Variants in DMD observed in about 807,000 individuals in gnomAD.
DMD encodes dystrophin, also known as mutant dystrophin.
In DMD, 63 loss-of-function variants were observed where a neutral mutation model predicts 330.1. That is an observed-to-expected ratio of 0.19 (90% CI 0.16 to 0.24). The LOEUF (loss-of-function observed/expected upper bound fraction) is 0.24. DMD is among the 10% of genes least tolerant of loss of function. The probability of loss-of-function intolerance (pLI) is 1.00; values close to 1 mark genes in which losing one functional copy is unlikely to be tolerated. For synonymous variants in DMD, 1,223 were observed against 959.8 expected (o/e 1.27, Z -5.07); for missense variants, 3,344 against 2,684.1 (o/e 1.25, Z -5.43).
intron 60 of DMD, among the ~76,000 whole-genome samples, chrX:31,373,620 T>G (rs6631307): frequency 0.48 from 48,462 of 101,522 alleles, 9,927 homozygotes; most frequent in African/African-American, 0.64. Flanking sequence ...TAGCCATATG[T>G]AGAAAGCTGA....
chrX:31,404,638 T>C (rs2061334003), intron 60 of DMD, among the ~76,000 whole-genome samples: 1 of 112,018 alleles, frequency 8.9e-6, no homozygotes, highest in African/African-American at 3.2e-5. Flanking sequence ...AAGTAGTACA[T>C]TTTTAAATTT....
intron 48 of DMD, among the ~76,000 whole-genome samples, chrX:31,837,185 T>G (rs1315685715): frequency 2.7e-5 from 3 of 112,507 alleles, no homozygotes; most frequent in Non-Finnish European, 5.6e-5. Context: ...TTTTACTTTA[T>G]ACACTTATTG....
chrX:33,194,860 G>A (rs903854900), intron 1 of DMD, among the ~76,000 whole-genome samples: 4 of 111,196 alleles, frequency 3.6e-5, no homozygotes, highest in African/African-American at 6.5e-5. Flanking sequence ...ATATGTTAAC[G>A]TAATATACAA....
At chrX:32,468,258 C>A (rs2040256257) in intron 23 of DMD, among the ~76,000 whole-genome samples, 2 of 110,742 alleles carry the variant, frequency 1.8e-5, no homozygotes, top group South Asian at 7.6e-4. Flanking sequence ...TGTTTAATTC[C>A]TATTGGTAAT....
chrX:31,478,849 G>A, intron 58 of DMD, 134 bp downstream of exon 58: 1 of 667,167 alleles, frequency 1.5e-6, no homozygotes, highest in Admixed American at 3.8e-5. Context: ...CAGCATCTAT[G>A]TTTAATTTGA....
chrX:31,193,113 C>T (rs1475262088), intron 67 of DMD, among the ~76,000 whole-genome samples: 2 of 110,852 alleles, frequency 1.8e-5, no homozygotes, highest in Non-Finnish European at 3.8e-5. Flanking sequence ...CTGACAGGTG[C>T]GGGTCCATAT....
intron 59 of DMD, among the ~76,000 whole-genome samples, chrX:31,447,002 G>C (rs746057429): frequency 9.0e-6 from 1 of 111,387 alleles, no homozygotes; most frequent in Admixed American, 9.6e-5. Context: ...ACCTCGTTAA[G>C]CCATAGCTAG....
At chrX:32,846,837 T>C (rs1426365661) in intron 3 of DMD, among the ~76,000 whole-genome samples, 1 of 107,071 alleles carries the variant, frequency 9.3e-6, no homozygotes, top group East Asian at 3.0e-4. Context: ...TGAAACCCCA[T>C]GTCTACTAAA....
chrX:33,043,054 A>G (rs2147941779), intron 1 of DMD, among the ~76,000 whole-genome samples: 1 of 112,278 alleles, frequency 8.9e-6, no homozygotes, highest in South Asian at 3.7e-4. Context: ...ATTCAATTGT[A>G]TTAATATTTA....
intron 2 of DMD, among the ~76,000 whole-genome samples, chrX:32,858,430 A>G (rs749371390): frequency 1.8e-5 from 2 of 111,992 alleles, no homozygotes; most frequent in East Asian, 5.6e-4. Flanking sequence ...CCCAGGTTCA[A>G]GTGATTCTCC....
At chrX:32,073,081 G>T (rs139904958) in intron 44 of DMD, among the ~76,000 whole-genome samples, 1 of 111,805 alleles carries the variant, frequency 8.9e-6, no homozygotes, top group Non-Finnish European at 1.9e-5. Flanking sequence ...TTGCAAAAAC[G>T]TACTTACTAC....
chrX:32,995,163 A>G (rs1292773545), intron 2 of DMD, among the ~76,000 whole-genome samples: 1 of 112,724 alleles, frequency 8.9e-6, no homozygotes, highest in Non-Finnish European at 1.9e-5. Flanking sequence ...CAAATCCATT[A>G]TAACAATGCT....
chrX:32,945,608 A>G (rs1008685322), intron 2 of DMD, among the ~76,000 whole-genome samples: 2 of 111,674 alleles, frequency 1.8e-5, no homozygotes, highest in Non-Finnish European at 3.8e-5. Context: ...GATACCTTCA[A>G]TATTTCAACA....
At chrX:31,412,765 G>C (rs1339181474) in intron 60 of DMD, among the ~76,000 whole-genome samples, 1 of 112,143 alleles carries the variant, frequency 8.9e-6, no homozygotes, top group Non-Finnish European at 1.9e-5. Context: ...GTTACAGTTT[G>C]TCCTATTAGC....
intron 2 of DMD, among the ~76,000 whole-genome samples, chrX:32,852,155 G>A (rs1028019565): frequency 4.5e-5 from 5 of 111,410 alleles, no homozygotes; most frequent in Non-Finnish European, 9.4e-5. Flanking sequence ...GGAGAGGATA[G>A]GGACAGTAAA....
chrX:32,907,251 A>T (rs1050827846), intron 2 of DMD, among the ~76,000 whole-genome samples: 1 of 112,411 alleles, frequency 8.9e-6, no homozygotes, highest in Non-Finnish European at 1.9e-5. Context: ...TTTTAGATTT[A>T]AAAAATATTG....
intron 45 of DMD, among the ~76,000 whole-genome samples, chrX:31,943,698 AT>A (rs1329950302): frequency 1.8e-5 from 2 of 109,922 alleles, no homozygotes; most frequent in East Asian, 5.7e-4. Context: ...TTGTTACTCA[AT>A]TTTTTTCCCC....
chrX:32,767,159 G>A (rs1400977082), intron 7 of DMD, among the ~76,000 whole-genome samples: 1 of 111,477 alleles, frequency 9.0e-6, no homozygotes, highest in Non-Finnish European at 1.9e-5. Context: ...AAGGCACCTA[G>A]TATTTTTTGA....
chrX:31,404,141 G>C (rs1031470286), intron 60 of DMD, among the ~76,000 whole-genome samples: 2 of 110,626 alleles, frequency 1.8e-5, no homozygotes, highest in Non-Finnish European at 3.8e-5. Flanking sequence ...GAAACGCTCA[G>C]GTGGTTATAT....
Sources: allele counts gnomAD v4.1 joint callset (sites outside exome capture counted in the v4.1 genomes callset), GRCh38; gene constraint gnomAD v4.1.1; transcripts MANE v1.5; gene names NCBI Gene and HGNC (gene_info 2026-07-23, HGNC 2026-07-21).